Variants in EVA1C observed in about 807,000 individuals in gnomAD.
EVA1C encodes the protein eva-1 homolog C.
In EVA1C, 25 loss-of-function variants were observed where a neutral mutation model predicts 45.4. That is an observed-to-expected ratio of 0.55 (90% CI 0.40 to 0.77). The LOEUF (loss-of-function observed/expected upper bound fraction) is 0.77. EVA1C is among the 30% of genes least tolerant of loss of function. The pLI, the probability that EVA1C is intolerant of heterozygous loss-of-function variation, is 0.00. For synonymous variants in EVA1C, 190 were observed against 221.2 expected, an observed-to-expected ratio of 0.86 and a Z score of 1.25; for missense variants, 479 against 554.8, an observed-to-expected ratio of 0.86 and a Z score of 1.37.
At chr21:32,437,767 G>A (rs995679984) in intron 1 of EVA1C, among the ~76,000 whole-genome samples, 2 of 152,054 alleles carry the variant, frequency 1.3e-5, no homozygotes, top group African/African-American at 4.8e-5. Flanking sequence ...CACACCCTGC[G>A]TTTCCTCTCT....
intron 1 of EVA1C, among the ~76,000 whole-genome samples, chr21:32,425,016 A>G (rs541424812): frequency 1.3e-5 from 2 of 152,026 alleles, no homozygotes; most frequent in East Asian, 1.9e-4. Context: ...CTAATTTTTA[A>G]AAGTATTTTG....
At chr21:32,512,389 T>G (rs918098186) in intron 7 of EVA1C, among the ~76,000 whole-genome samples, 1 of 152,180 alleles carries the variant, frequency 6.6e-6, no homozygotes, top group African/African-American at 2.4e-5. Context: ...CAGTAGCAAG[T>G]CCATAGTTAC....
At chr21:32,465,797 C>T (rs142755333) in intron 3 of EVA1C, among the ~76,000 whole-genome samples, 212 of 152,198 alleles carry the variant, frequency 1.4e-3, no homozygotes, top group African/African-American at 4.8e-3. Context: ...CACACCCAGC[C>T]GTGTTAGCTA....
chr21:32,495,533 G>A (rs571331807), intron 5 of EVA1C, among the ~76,000 whole-genome samples: 8 of 151,966 alleles, frequency 5.3e-5, no homozygotes, highest in Non-Finnish European at 8.8e-5. Flanking sequence ...GTTCACAGTC[G>A]AATTATGTGT....
intron 5 of EVA1C, among the ~76,000 whole-genome samples, chr21:32,496,086 T>G (rs1382627854): frequency 2.0e-5 from 3 of 152,146 alleles, no homozygotes; most frequent in Non-Finnish European, 4.4e-5. Flanking sequence ...CACAATCAGT[T>G]TAAGAACATT....
chr21:32,421,231 A>G (rs990177734), intron 1 of EVA1C, among the ~76,000 whole-genome samples: 16 of 152,246 alleles, frequency 1.1e-4, no homozygotes, highest in Admixed American at 9.8e-4. Context: ...CCCTATGGCT[A>G]CGTTGGAGTT....
intron 1 of EVA1C, among the ~76,000 whole-genome samples, chr21:32,422,747 G>C (rs1289710529): frequency 1.3e-5 from 2 of 152,052 alleles, no homozygotes; most frequent in African/African-American, 4.8e-5. Context: ...GTGAAGGAAA[G>C]ACAAATTTAC....
intron 7 of EVA1C, among the ~76,000 whole-genome samples, chr21:32,513,099 T>G (rs1026573534): frequency 6.7e-6 from 1 of 149,260 alleles, no homozygotes; most frequent in African/African-American, 2.5e-5. Flanking sequence ...TGTTACTATA[T>G]TATTGTAAGT....
chr21:32,511,419 C>CAAAA (rs749141703), intron 7 of EVA1C, among the ~76,000 whole-genome samples: 137 of 46,116 alleles, frequency 3.0e-3, no homozygotes, highest in Middle Eastern at 0.016. Flanking sequence ...AACTCCGTCT[C>CAAAA]AAAAAAAAAA....
intron 4 of EVA1C, among the ~76,000 whole-genome samples, chr21:32,484,574 C>T (rs1490719096): frequency 6.6e-6 from 1 of 151,926 alleles, no homozygotes; most frequent in African/African-American, 2.4e-5. Flanking sequence ...TTGGGGCGGA[C>T]ACTGTGCTAA....
At chr21:32,484,984 C>T (rs2036924045) in intron 4 of EVA1C, among the ~76,000 whole-genome samples, 1 of 152,126 alleles carries the variant, frequency 6.6e-6, no homozygotes, top group Admixed American at 6.6e-5. Flanking sequence ...ATGTGTTCTC[C>T]CTTCCAAATC....
At chr21:32,478,192 G>A (rs1250201090) in intron 4 of EVA1C, among the ~76,000 whole-genome samples, 1 of 150,554 alleles carries the variant, frequency 6.6e-6, no homozygotes, top group Non-Finnish European at 1.5e-5. Flanking sequence ...TTGGGGATAG[G>A]GTCTTTAAAG....
At chr21:32,460,162 T>C (rs557269458) in intron 3 of EVA1C, among the ~76,000 whole-genome samples, 3 of 152,246 alleles carry the variant, frequency 2.0e-5, no homozygotes, top group African/African-American at 4.8e-5. Flanking sequence ...CCACAGAGAT[T>C]CCCTGAGTGG....
At chr21:32,491,681 C>CGAA (rs563195483) in intron 4 of EVA1C, among the ~76,000 whole-genome samples, 1 of 57,682 alleles carries the variant, frequency 1.7e-5, no homozygotes, top group Non-Finnish European at 3.3e-5. Context: ...GAGACTCTGT[C>CGAA]AAAAAAAAAA....
chr21:32,469,969 T>C (rs530432632), intron 4 of EVA1C, among the ~76,000 whole-genome samples: 1 of 152,276 alleles, frequency 6.6e-6, no homozygotes, highest in South Asian at 2.1e-4. Context: ...CAAATTGACA[T>C]GTGAAATTAA....
At position 32,452,547 on chromosome 21, in the gene EVA1C, G is replaced by A. The variant is rs11088221; in HGVS notation, c.161-765G>A. On this transcript the variant is annotated intron_variant, in intron 1 of 7. Transcript: ENST00000300255. This position sits in a 1 kb window ranked among gnomAD's most constrained non-coding sequence, Gnocchi z 4.0. ...TCCTTCAGTTTTGCCATCTGCAGGC[G>A]GCTTGTGTTAATCAGCTCAATTAGA... The A allele has an allele frequency of 0.16, 24,422 of 152,224 alleles. 2,236 individuals are homozygous for A. The highest frequency in any genetic ancestry group is 0.23 in the Admixed American group (3,575 of 15,292). 9.4% of individuals were successfully genotyped at this position (152,224 alleles called of 1,614,324 possible). A position where few individuals can be genotyped will look rare whatever the true frequency, so the allele number is the denominator to read the frequency against.
intron 1 of EVA1C, among the ~76,000 whole-genome samples, chr21:32,414,823 A>AT (rs1568851135): frequency 6.6e-6 from 1 of 152,158 alleles, no homozygotes; most frequent in African/African-American, 2.4e-5. Flanking sequence ...TTTTCCTCTC[A>AT]TCAGTGATGC....
chr21:32,512,161 G>T (rs1350012465), intron 7 of EVA1C, among the ~76,000 whole-genome samples: 1 of 152,182 alleles, frequency 6.6e-6, no homozygotes, highest in East Asian at 1.9e-4. Flanking sequence ...GAGGCAAGGG[G>T]ATGGGGAAGC....
intron 1 of EVA1C, among the ~76,000 whole-genome samples, chr21:32,415,088 G>A (rs565007836): frequency 6.6e-5 from 10 of 152,240 alleles, no homozygotes; most frequent in Non-Finnish European, 1.3e-4. Context: ...CTTATTGTTC[G>A]GTTCAGTGTT....
Sources: gnomAD v4.1 joint callset for allele counts (sites outside exome capture counted in the v4.1 genomes callset) on GRCh38, gnomAD v4.1.1 for gene constraint, Gnocchi (gnomAD v3.1) non-coding constraint, MANE v1.5 for transcripts, NCBI Gene and HGNC (gene_info 2026-07-23, HGNC 2026-07-21) for gene names.